COL22A1: variants seen among roughly 807,000 people sequenced by gnomAD.
COL22A1 encodes the protein collagen alpha-1(XXII) chain.
COL22A1 carries 221 observed loss-of-function variants against 248.9 expected under a neutral mutation model. That is an observed-to-expected ratio of 0.89 (90% CI 0.80 to 0.99). The LOEUF (loss-of-function observed/expected upper bound fraction) is 0.99, where lower values mean the gene tolerates loss of function less well. Among genes scored for constraint, COL22A1 ranks in the 50% least tolerant of loss-of-function variants. The pLI is 0.00. For synonymous variants in COL22A1, 891 were observed against 793.4 expected, an observed-to-expected ratio of 1.12 and a Z score of -2.07; for missense variants, 2,240 against 2,179.0, an observed-to-expected ratio of 1.03 and a Z score of -0.56.
intron 47 of COL22A1, among the ~76,000 whole-genome samples, chr8:138,639,074 C>T (rs1453595953): frequency 6.6e-6 from 1 of 152,212 alleles, no homozygotes; most frequent in Non-Finnish European, 1.5e-5. Context: ...TATCCCATTA[C>T]ATATATTTCC....
At chr8:138,649,140 C>A (rs919888634) in intron 46 of COL22A1, among the ~76,000 whole-genome samples, 1 of 152,192 alleles carries the variant, frequency 6.6e-6, no homozygotes, top group Admixed American at 6.5e-5. Flanking sequence ...CAGGACAGAC[C>A]ATGAACTCCT....
chr8:138,739,018 A>C (rs1831348419), intron 22 of COL22A1, among the ~76,000 whole-genome samples: 1 of 152,158 alleles, frequency 6.6e-6, no homozygotes, highest in African/African-American at 2.4e-5. Context: ...CTCTCCCCAG[A>C]ACCACTGCAG....
At chr8:138,809,113 C>A (rs148083140) in intron 9 of COL22A1, among the ~76,000 whole-genome samples, 2 of 151,848 alleles carry the variant, frequency 1.3e-5, no homozygotes, top group African/African-American at 4.8e-5. Flanking sequence ...AGAAATGATA[C>A]CTGCTTAATG....
chr8:138,833,585 T>C (rs1311728310), intron 4 of COL22A1, among the ~76,000 whole-genome samples: 1 of 152,216 alleles, frequency 6.6e-6, no homozygotes, highest in East Asian at 1.9e-4. Flanking sequence ...GGACTTTACG[T>C]GGGTAACAGT....
chr8:138,742,472 ATGG>A (rs1388559274), intron 22 of COL22A1, among the ~76,000 whole-genome samples: 6 of 150,764 alleles, frequency 4.0e-5, no homozygotes, highest in Non-Finnish European at 8.8e-5. Context: ...TGTGATGGTG[ATGG>A]TGGAGTTGAT....
chr8:138,865,679 GTGTA>G (rs1822818936), intron 3 of COL22A1, among the ~76,000 whole-genome samples: 1 of 151,462 alleles, frequency 6.6e-6, no homozygotes, highest in Non-Finnish European at 1.5e-5. Flanking sequence ...ATGCCTGTGA[GTGTA>G]TGTGTGTATA....
chr8:138,828,336 G>A (rs1216579725), intron 5 of COL22A1, among the ~76,000 whole-genome samples: 1 of 151,998 alleles, frequency 6.6e-6, no homozygotes, highest in African/African-American at 2.4e-5. Flanking sequence ...CCCACTTGAT[G>A]GCAGTAGCAA....
intron 36 of COL22A1, among the ~76,000 whole-genome samples, chr8:138,690,506 A>C (rs1032876037): frequency 6.6e-6 from 1 of 152,126 alleles, no homozygotes; most frequent in Admixed American, 6.6e-5. Context: ...CCGTCAGGGG[A>C]CCTTTGACTT....
chr8:138,603,574 T>A (rs1818203257), intron 59 of COL22A1, among the ~76,000 whole-genome samples: 1 of 152,156 alleles, frequency 6.6e-6, no homozygotes, highest in Non-Finnish European at 1.5e-5. Flanking sequence ...CCAAAGAGAA[T>A]TCGTGTAGGC....
chr8:138,749,717 A>C (rs112301803), intron 22 of COL22A1, among the ~76,000 whole-genome samples: 3 of 152,304 alleles, frequency 2.0e-5, no homozygotes, highest in African/African-American at 7.2e-5. Context: ...ACAGCTGCTG[A>C]GACGTGGATC....
At chr8:138,638,429 AG>A (rs1821382097) in intron 47 of COL22A1, among the ~76,000 whole-genome samples, 1 of 152,060 alleles carries the variant, frequency 6.6e-6, no homozygotes, top group African/African-American at 2.4e-5. Flanking sequence ...TCCATCTAGG[AG>A]GGTCCTTCAG....
chr8:138,708,771 G>A (rs1828698249), intron 30 of COL22A1, among the ~76,000 whole-genome samples: 1 of 152,126 alleles, frequency 6.6e-6, no homozygotes. Context: ...GGCAACAAAA[G>A]CCAAAATTGA....
At chr8:138,890,450 C>A (rs1279416117) in intron 1 of COL22A1, among the ~76,000 whole-genome samples, 1 of 152,022 alleles carries the variant, frequency 6.6e-6, no homozygotes, top group Admixed American at 6.6e-5. Context: ...TTGCAGATGG[C>A]CTTATCTTTT....
chr8:138,618,897 C>T (rs950115552), intron 53 of COL22A1, among the ~76,000 whole-genome samples: 1 of 151,898 alleles, frequency 6.6e-6, no homozygotes, highest in African/African-American at 2.4e-5. Flanking sequence ...TGTATAATAG[C>T]TAGACATAGA....
At chr8:138,862,609 T>C (rs1026520856) in intron 3 of COL22A1, among the ~76,000 whole-genome samples, 1 of 152,224 alleles carries the variant, frequency 6.6e-6, no homozygotes, top group Non-Finnish European at 1.5e-5. Context: ...TAGTCAGCTA[T>C]AATTTTAAGG....
At chr8:138,664,099 C>CT (rs1159237382) in intron 41 of COL22A1, among the ~76,000 whole-genome samples, 3 of 151,290 alleles carry the variant, frequency 2.0e-5, no homozygotes, top group Non-Finnish European at 4.4e-5. Context: ...GCTCTTTCTG[C>CT]TTGGGAAAGG....
intron 56 of COL22A1, among the ~76,000 whole-genome samples, chr8:138,612,447 GTATCCATCAT>G (rs1818939823): frequency 6.6e-6 from 1 of 152,140 alleles, no homozygotes; most frequent in Non-Finnish European, 1.5e-5. Flanking sequence ...ATCCAGATAT[GTATCCATCAT>G]ATGGAATGCT....
chr8:138,683,048 T>C (rs1481104257), intron 39 of COL22A1, among the ~76,000 whole-genome samples: 1 of 152,166 alleles, frequency 6.6e-6, no homozygotes, highest in Non-Finnish European at 1.5e-5. Flanking sequence ...CAAGAAGCCA[T>C]GGTAATGAAA....
intron 22 of COL22A1, among the ~76,000 whole-genome samples, chr8:138,746,173 CT>C (rs1356103888): frequency 6.6e-6 from 1 of 152,214 alleles, no homozygotes; most frequent in Non-Finnish European, 1.5e-5. Context: ...TTGCTAATCT[CT>C]AAAATAAAGG....
Sources: allele counts gnomAD v4.1 joint callset (sites outside exome capture counted in the v4.1 genomes callset), GRCh38; gene constraint gnomAD v4.1.1; transcripts MANE v1.5; gene names NCBI Gene and HGNC (gene_info 2026-07-23, HGNC 2026-07-21).